The following ASAP1 variants were observed in gnomAD, a reference collection of about 807,000 sequenced individuals.
ASAP1 encodes ArfGAP with SH3 domain, ankyrin repeat and PH domain 1.
A neutral mutation model predicts 145.2 loss-of-function variants in ASAP1; 43 were observed. The observed-to-expected ratio is 0.30, with a 90% CI of 0.23 to 0.38. ASAP1 has a LOEUF of 0.38. ASAP1 is among the 10% of genes least tolerant of loss of function. The pLI, the probability that ASAP1 is intolerant of heterozygous loss-of-function variation, is 1.00. For synonymous variants in ASAP1, 546 were observed against 515.5 expected, an observed-to-expected ratio of 1.06 and a Z score of -0.80; for missense variants, 1,018 against 1,355.3, an observed-to-expected ratio of 0.75 and a Z score of 3.91.
At chr8:130,291,925 T>C (rs1821969695) in intron 3 of ASAP1, among the ~76,000 whole-genome samples, 1 of 152,196 alleles carries the variant, frequency 6.6e-6, no homozygotes, top group Admixed American at 6.5e-5. Context: ...CCGTAAAAAC[T>C]GCAGCTGCGC....
intron 1 of ASAP1, among the ~76,000 whole-genome samples, chr8:130,409,997 A>G (rs1386946161): frequency 6.6e-6 from 1 of 152,214 alleles, no homozygotes; most frequent in East Asian, 1.9e-4. Context: ...GTTGTCAGTG[A>G]TATCATCTGG....
At chr8:130,187,143 T>C in intron 7 of ASAP1, 93 bp downstream of exon 7, 4 of 1,082,226 alleles carry the variant, frequency 3.7e-6, no homozygotes, top group Middle Eastern at 5.1e-4. Flanking sequence ...TTAAGGGCTC[T>C]GTCCTTTTTC....
intron 2 of ASAP1, among the ~76,000 whole-genome samples, chr8:130,374,131 A>G (rs1480758504): frequency 6.6e-6 from 1 of 151,986 alleles, no homozygotes; most frequent in East Asian, 1.9e-4. Context: ...TACTATTTAC[A>G]GATTGCATGA....
chr8:130,335,114 A>C (rs1428281454), intron 3 of ASAP1, among the ~76,000 whole-genome samples: 1 of 152,184 alleles, frequency 6.6e-6, no homozygotes, highest in East Asian at 1.9e-4. Flanking sequence ...AGAGAGCTAA[A>C]GCATACTTTT....
intron 24 of ASAP1, among the ~76,000 whole-genome samples, chr8:130,093,680 A>AAAAAAAAAAAAAAAAAAAAAAAC (rs2097510771): frequency 6.6e-6 from 1 of 150,642 alleles, no homozygotes; most frequent in Non-Finnish European, 1.5e-5. Flanking sequence ...AAAAAAAAAA[A>AAAAAAAAAAAAAAAAAAAAAAAC]AAAAAAAAAG....
intron 3 of ASAP1, among the ~76,000 whole-genome samples, chr8:130,284,768 C>T (rs573007203): frequency 6.6e-6 from 1 of 151,720 alleles, no homozygotes; most frequent in African/African-American, 2.4e-5. Context: ...AACATCTTTC[C>T]TAATATTCCC....
chr8:130,380,520 A>G (rs770704357), intron 2 of ASAP1, among the ~76,000 whole-genome samples: 5 of 152,290 alleles, frequency 3.3e-5, no homozygotes, highest in Non-Finnish European at 5.9e-5. Flanking sequence ...GTGGTGCCTG[A>G]GGACTCCACC....
chr8:130,093,666 C>CAAAAAAAAAAAAAAAAAAA (rs71572317), intron 24 of ASAP1, among the ~76,000 whole-genome samples: 6 of 52,198 alleles, frequency 1.1e-4, no homozygotes, highest in South Asian at 2.0e-3. Flanking sequence ...GACTCCGTCT[C>CAAAAAAAAAAAAAAAAAAA]AAAAAAAAAA....
chr8:130,426,616 C>T (rs1829928642), intron 1 of ASAP1, among the ~76,000 whole-genome samples: 1 of 152,192 alleles, frequency 6.6e-6, no homozygotes, highest in African/African-American at 2.4e-5. Flanking sequence ...CTTGAGGTAC[C>T]TTTAATGTGC....
In ASAP1 at chr8:130,140,872, T is replaced by C. The variant is rs958656602; in HGVS notation, c.1081-3834A>G. On this transcript the variant is annotated intron_variant, in intron 13 of 29. Coordinates refer to ENST00000518721, the MANE Select transcript of ASAP1 (RefSeq NM_018482.4). ...ACTTACCCAGGGCTGAGCCCACGAA[T>C]ACCAGAGGGGAGTGGTATGTTCCAC... 3.3e-5 allele frequency among the ~76,000 whole-genome samples: 5 copies of C among 152,218 alleles called. No homozygotes were observed. In the East Asian group the frequency reaches 9.6e-4, roughly 29 times the overall value.
chr8:130,318,116 G>A (rs917773421), intron 3 of ASAP1, among the ~76,000 whole-genome samples: 6 of 152,172 alleles, frequency 3.9e-5, no homozygotes, highest in Admixed American at 2.6e-4. Context: ...TCTTTCCTGA[G>A]AGAGGGTCTC....
At chr8:130,282,076 A>T (rs2137194636) in intron 3 of ASAP1, among the ~76,000 whole-genome samples, 1 of 152,244 alleles carries the variant, frequency 6.6e-6, no homozygotes, top group East Asian at 1.9e-4. Context: ...CTCGAAAAAA[A>T]AAAAAAAAGG....
At chr8:130,368,002 G>A (rs972311020) in intron 2 of ASAP1, among the ~76,000 whole-genome samples, 1 of 152,002 alleles carries the variant, frequency 6.6e-6, no homozygotes, top group African/African-American at 2.4e-5. Flanking sequence ...ATGCTATTTA[G>A]TTAACGTCCT....
rs1394896918 is a variant in ASAP1 at position 130,358,651 on chromosome 8, G to C, written c.60-508C>G. Among the ~76,000 whole-genome samples, 13 of 146,892 alleles carry C rather than the reference G, an allele frequency of 8.9e-5. No homozygotes were observed. Among genetic ancestry groups the C allele is most frequent in the South Asian group, 2.1e-4 (1 of 4,810 alleles). On this transcript the variant is annotated intron_variant, in intron 2 of 29. Transcript: ENST00000518721. This position sits in a 1 kb window ranked among gnomAD's most constrained non-coding sequence, Gnocchi z 4.1. ...CGGGCGGCGCTCGCGCTGCAGTCAC[G>C]GGGCCAAACAAGGAAGTGCTCTGCG...
At position 130,151,850 on chromosome 8, in the gene ASAP1, A is replaced by T. The variant is rs151088013; in HGVS notation, c.1080+886T>A. Among the ~76,000 whole-genome samples, 11 of 152,356 alleles carry T rather than the reference A, an allele frequency of 7.2e-5. No individual in the cohort carries two copies. In the East Asian group the frequency reaches 2.1e-3, roughly 29 times the overall value. ...TGCAGGAAGAGAGAGAAAGGCCACA[A>T]GGACTAATGTCAGACAGACACCCGA... On this transcript the variant is annotated intron_variant, in intron 13 of 29. Transcript: ENST00000518721.
intron 27 of ASAP1, among the ~76,000 whole-genome samples, chr8:130,071,923 CCA>C (rs2097447477): frequency 6.6e-6 from 1 of 152,220 alleles, no homozygotes; most frequent in African/African-American, 2.4e-5. Context: ...TAGTTTTCGT[CCA>C]CAGTTGCTGG....
chr8:130,358,660 CAAGG>C lies in ASAP1; in HGVS notation c.60-521_60-518del, dbSNP rs1826515148. Among the ~76,000 whole-genome samples, 2 of 146,744 alleles carry C rather than the reference CAAGG, an allele frequency of 1.4e-5. No individual in the cohort carries two copies. The highest frequency in any genetic ancestry group is 3.0e-5 in the Non-Finnish European group (2 of 65,926). On this transcript the variant is annotated intron_variant, in intron 2 of 29. Transcript: ENST00000518721. This position sits in a 1 kb window ranked among gnomAD's most constrained non-coding sequence, Gnocchi z 4.1. ...CTCGCGCTGCAGTCACGGGGCCAAA[CAAGG>C]AAGTGCTCTGCGCACGCGCGCCGCC...
chr8:130,292,050 G>C (rs1821977768), intron 3 of ASAP1, among the ~76,000 whole-genome samples: 1 of 152,128 alleles, frequency 6.6e-6, no homozygotes, highest in African/African-American at 2.4e-5. Flanking sequence ...ACTGAGAACT[G>C]AACTCGAAAC....
intron 1 of ASAP1, among the ~76,000 whole-genome samples, chr8:130,421,562 T>C (rs1829718815): frequency 6.6e-6 from 1 of 152,178 alleles, no homozygotes; most frequent in South Asian, 2.1e-4. Flanking sequence ...GTGGGTGTGC[T>C]TTCTCCAGGC....
Sources: gnomAD v4.1 joint callset for allele counts (sites outside exome capture counted in the v4.1 genomes callset) on GRCh38, gnomAD v4.1.1 for gene constraint, Gnocchi (gnomAD v3.1) non-coding constraint, MANE v1.5 for transcripts, NCBI Gene and HGNC (gene_info 2026-07-23, HGNC 2026-07-21) for gene names.